Variants in ZNF385D observed in about 807,000 individuals in gnomAD.
ZNF385D encodes zinc finger protein 659.
In ZNF385D, 15 loss-of-function variants were observed where a neutral mutation model predicts 35.8. The ratio of observed to expected loss-of-function variants is 0.42; its 90% confidence interval spans 0.28 to 0.64. The LOEUF (loss-of-function observed/expected upper bound fraction) is 0.64, where lower values mean the gene tolerates loss of function less well. Among genes scored for constraint, ZNF385D ranks in the 30% least tolerant of loss-of-function variants. ZNF385D has a pLI of 0.23. For synonymous variants in ZNF385D, 212 were observed against 186.8 expected (o/e 1.13, Z -1.10); for missense variants, 474 against 494.6 (o/e 0.96, Z 0.39).
rs73137187 is a variant in ZNF385D, at chr3:22,043,450, A to G, written c.325+125367T>C. Among the ~76,000 whole-genome samples, 1,120 of 152,272 alleles carry G rather than the reference A, an allele frequency of 7.4e-3. 14 individuals are homozygous for G. Among genetic ancestry groups the G allele is most frequent in the African/African-American group, 0.025 (1,038 of 41,530 alleles). ...CATTTTAAACATGATTCTATTTTAA[A>G]ACAAAGGAAAGTATAATTATCAAAT... On this transcript the variant is annotated intron_variant, in intron 3 of 5. Transcript: ENST00000494108.
intron 2 of ZNF385D, among the ~76,000 whole-genome samples, chr3:22,184,980 G>C (rs903279957): frequency 6.6e-6 from 1 of 151,860 alleles, no homozygotes; most frequent in Admixed American, 6.6e-5. Context: ...TGAGTTTTTA[G>C]GTAGGTTAAA....
chr3:22,202,295 G>A (rs1011650360), intron 2 of ZNF385D, among the ~76,000 whole-genome samples: 5 of 152,096 alleles, frequency 3.3e-5, no homozygotes, highest in African/African-American at 1.2e-4. Flanking sequence ...GTCTTTGGAA[G>A]AAGTGAGAGC....
intron 3 of ZNF385D, among the ~76,000 whole-genome samples, chr3:22,007,158 T>A (rs901827219): frequency 6.6e-6 from 1 of 152,204 alleles, no homozygotes; most frequent in Non-Finnish European, 1.5e-5. Context: ...ATACACCTTC[T>A]ACTCCATTTT....
chr3:22,238,736 ATATAGATT>A (rs1366891593), intron 2 of ZNF385D, among the ~76,000 whole-genome samples: 3 of 150,616 alleles, frequency 2.0e-5, no homozygotes, highest in African/African-American at 7.4e-5. Flanking sequence ...TATTTTTTAT[ATATAGATT>A]TTTTTTTAGA....
At chr3:21,850,821 T>C (rs1575775052) in intron 3 of ZNF385D, among the ~76,000 whole-genome samples, 1 of 152,106 alleles carries the variant, frequency 6.6e-6, no homozygotes. Flanking sequence ...CCTTTCCTAG[T>C]GGGCCTTAAA....
intron 3 of ZNF385D, among the ~76,000 whole-genome samples, chr3:22,080,571 T>C (rs1197033168): frequency 6.6e-6 from 1 of 152,014 alleles, no homozygotes; most frequent in Non-Finnish European, 1.5e-5. Flanking sequence ...TTGTAATAGC[T>C]ACAGATTTTA....
upstream of ZNF385D, among the ~76,000 whole-genome samples, chr3:21,755,224 A>G (rs62236199): frequency 6.6e-6 from 1 of 152,110 alleles, no homozygotes; most frequent in African/African-American, 2.4e-5. Flanking sequence ...ATAAAATTGT[A>G]TCCAGTGTTC....
At chr3:21,998,470 A>T (rs979048815) in intron 3 of ZNF385D, among the ~76,000 whole-genome samples, 7 of 152,214 alleles carry the variant, frequency 4.6e-5, no homozygotes, top group African/African-American at 1.7e-4. Context: ...ATATCTTTCA[A>T]TTATAAATGT....
At chr3:22,281,589 C>T (rs1426593848) in intron 2 of ZNF385D, among the ~76,000 whole-genome samples, 2 of 152,018 alleles carry the variant, frequency 1.3e-5, no homozygotes. Context: ...GTATGAAATC[C>T]ACTTGATCAC....
chr3:21,597,858 T>TG (rs1015396988), intron 2 of ZNF385D, among the ~76,000 whole-genome samples: 9 of 152,154 alleles, frequency 5.9e-5, no homozygotes, highest in Non-Finnish European at 1.3e-4. Flanking sequence ...AACCTTCATC[T>TG]GGAAAGGCAG....
intron 2 of ZNF385D, among the ~76,000 whole-genome samples, chr3:21,627,026 C>A (rs1413896683): frequency 6.7e-6 from 1 of 150,150 alleles, no homozygotes; most frequent in East Asian, 2.0e-4. Context: ...AAATATAAAA[C>A]TTTTTTTTGG....
chr3:21,426,094 T>C (rs1206508738), intron 5 of ZNF385D, among the ~76,000 whole-genome samples: 1 of 152,136 alleles, frequency 6.6e-6, no homozygotes, highest in Non-Finnish European at 1.5e-5. Context: ...CTGGAGGTGA[T>C]GTGTAACAAG....
intron 3 of ZNF385D, among the ~76,000 whole-genome samples, chr3:22,080,523 AAC>A (rs1315071730): frequency 6.6e-6 from 1 of 152,130 alleles, no homozygotes; most frequent in Non-Finnish European, 1.5e-5. Flanking sequence ...CTCAGTATAT[AAC>A]AGTTATTAAC....
intron 3 of ZNF385D, among the ~76,000 whole-genome samples, chr3:21,985,358 TGA>T (rs1165393649): frequency 1.7e-5 from 2 of 115,604 alleles, no homozygotes; most frequent in East Asian, 4.3e-4. Context: ...CCTAATTTCT[TGA>T]GAGTTTTTAG....
chr3:22,007,616 A>G (rs1308005095), intron 3 of ZNF385D, among the ~76,000 whole-genome samples: 6 of 152,228 alleles, frequency 3.9e-5, no homozygotes, highest in Admixed American at 6.5e-5. Context: ...GTATGAAAGT[A>G]GGTATTTCGT....
intron 3 of ZNF385D, among the ~76,000 whole-genome samples, chr3:21,827,477 A>G (rs1694715134): frequency 6.6e-6 from 1 of 152,208 alleles, no homozygotes; most frequent in South Asian, 2.1e-4. Context: ...CTTGTGGACA[A>G]GCAACATCTC....
At chr3:22,090,501 A>G (rs533799570) in intron 3 of ZNF385D, among the ~76,000 whole-genome samples, 1 of 152,172 alleles carries the variant, frequency 6.6e-6, no homozygotes, top group East Asian at 1.9e-4. Flanking sequence ...CTGAGCTCTT[A>G]CAGAGAAAAA....
chr3:22,164,216 C>CTGTTTTTTTTTTTTTTTTT (rs1706158036), intron 3 of ZNF385D, among the ~76,000 whole-genome samples: 1 of 74,912 alleles, frequency 1.3e-5, no homozygotes, highest in Non-Finnish European at 2.5e-5. Flanking sequence ...AAAAGGAGCA[C>CTGTTTTTTTTTTTTTTTTT]TTTTTTTTTT....
intron 3 of ZNF385D, among the ~76,000 whole-genome samples, chr3:21,857,043 T>A (rs1559695809): frequency 6.6e-6 from 1 of 152,044 alleles, no homozygotes; most frequent in Non-Finnish European, 1.5e-5. Context: ...TTCTAGGTCC[T>A]TTCTCACATG....
Sources: gnomAD v4.1 joint callset for allele counts (sites outside exome capture counted in the v4.1 genomes callset) on GRCh38, gnomAD v4.1.1 for gene constraint, MANE v1.5 for transcripts, NCBI Gene and HGNC (gene_info 2026-07-23, HGNC 2026-07-21) for gene names.